The following CHD8 variants were observed in gnomAD, a reference collection of about 807,000 sequenced individuals.
The protein encoded by CHD8 is ATP-dependent chromatin remodeler CHD8.
In CHD8, 31 loss-of-function variants were observed where a neutral mutation model predicts 279.2. The observed-to-expected ratio is 0.11, with a 90% CI of 0.08 to 0.15. The LOEUF (loss-of-function observed/expected upper bound fraction) is 0.15. CHD8 is among the 10% of genes least tolerant of loss of function. CHD8 has a pLI of 1.00. For missense variants in CHD8, 2,146 were observed against 3,230.5 expected (o/e 0.66, Z 8.14); for synonymous variants, 1,081 against 1,139.6 (o/e 0.95, Z 1.04).
intron 14 of CHD8, 25 bp downstream of exon 14, chr14:21,406,831 G>A (rs1245333946): frequency 6.3e-7 from 1 of 1,587,714 alleles, no homozygotes; most frequent in South Asian, 1.1e-5. Flanking sequence ...AGGTGTTTCT[G>A]CTCACAAGTC....
chr14:21,406,335 G>A (rs540847741), intron 14 of CHD8, among the ~76,000 whole-genome samples: 2 of 152,310 alleles, frequency 1.3e-5, no homozygotes, highest in East Asian at 1.9e-4. Flanking sequence ...GTGAGTTTCA[G>A]AGCCTATCTC....
At chr14:21,407,552 T>C (rs1357213991) in intron 13 of CHD8, among the ~76,000 whole-genome samples, 5 of 152,170 alleles carry the variant, frequency 3.3e-5, no homozygotes, top group Non-Finnish European at 4.4e-5. Context: ...TTCATGTTAA[T>C]ACACGATGGA....
intron 2 of CHD8, 24 bp from the exon 3 acceptor site, chr14:21,429,359 A>G: frequency 6.2e-7 from 1 of 1,601,740 alleles, no homozygotes; most frequent in East Asian, 2.2e-5. Flanking sequence ...AGGAAATTGC[A>G]AGAGTACAAC....
intron 1 of CHD8, among the ~76,000 whole-genome samples, chr14:21,439,386 A>G (rs1200592284): frequency 6.6e-6 from 1 of 152,196 alleles, no homozygotes; most frequent in African/African-American, 2.4e-5. Flanking sequence ...TCCCCCCTGT[A>G]GCCACCATCC....
At position 21,442,482 on chromosome 14, in the gene CHD8, A is replaced by C. The variant is rs563631121; in HGVS notation, c.-215-10624T>G. Among the ~76,000 whole-genome samples the C allele has an allele frequency of 4.6e-5, 7 of 151,498 alleles. No homozygotes were observed. In the East Asian group the frequency reaches 1.2e-3, roughly 25 times the overall value. On this transcript the variant is annotated intron_variant, in intron 1 of 37. Coordinates refer to ENST00000646647, the MANE Select transcript of CHD8 (RefSeq NM_001170629.2). ...CCTGTCTCAAAATAAAATAAAATAA[A>C]ATAAAAAATTAGCCAGGCATGGTGG...
rs900204619 is a variant in CHD8, at chr14:21,395,172, A to C, written c.5183-53T>G. 8 of 1,561,740 alleles carry C rather than the reference A, an allele frequency of 5.1e-6. No individual in the cohort carries two copies. The African/African-American group carries it at 5.4e-5, about 11-fold the overall frequency. On this transcript the variant is annotated intron_variant, in intron 29 of 37. Coordinates refer to ENST00000646647, the MANE Select transcript of CHD8 (RefSeq NM_001170629.2). ...GAAGTATAGCAAGGGTAGTAGAGGC[A>C]ATACTAGTATTTTAACCCACCCAAA...
At position 21,431,481 on chromosome 14, in the gene CHD8, C is replaced by A; in HGVS notation, c.163G>T (p.Gly55Cys). The A allele has an allele frequency of 6.5e-7, 1 of 1,537,162 alleles. No homozygotes were observed. The highest frequency in any genetic ancestry group is 8.7e-7 in the Non-Finnish European group (1 of 1,146,858). ...GCTGATGAATTCCCCACATCACCAC[C>A]TCCACCATCCTGGTTCATCTGATCC... ...SLDQMNQDGG[G>C]GDVGNSSASE... The change falls in exon 2 of 38, where the codon GGT becomes TGT. Residue 55 changes from glycine to cysteine, a missense_variant. Gly to Cys is a radical substitution (Grantham distance 159). Around this residue, in one of 26 missense-constraint regions of CHD8, gnomAD observed 302 missense variants for 325.5 expected, o/e 0.93. Coordinates refer to ENST00000646647, the MANE Select transcript of CHD8 (RefSeq NM_001170629.2).
intron 1 of CHD8, chr14:21,437,293 C>T: frequency 8.8e-7 from 1 of 1,130,346 alleles, no homozygotes; most frequent in Non-Finnish European, 1.1e-6. Flanking sequence ...CTGCCCGCCC[C>T]GCGCCATCAT....
At chr14:21,446,143 G>A (rs1464443627) in intron 1 of CHD8, among the ~76,000 whole-genome samples, 3 of 151,916 alleles carry the variant, frequency 2.0e-5, no homozygotes, top group Non-Finnish European at 4.4e-5. Context: ...AGTGAGACAA[G>A]ATCGCGCCAC....
rs1887657807 is a variant in CHD8, at chr14:21,393,918, A to G, written c.5877T>C (p.Ala1959=). 1 of 1,613,994 alleles carries G rather than the reference A, an allele frequency of 6.2e-7. No individual in the cohort carries two copies. Among genetic ancestry groups the G allele is most frequent in the African/African-American group, 1.3e-5 (1 of 75,036 alleles). Residue 1959 remains alanine (A), a synonymous_variant, in exon 32 of 38, where the codon GCT becomes GCC. Transcript: ENST00000646647. ...IMQDPDFSFL[A]ARMNYMQNHQ... is the part of the protein sequence containing the mutation. ...GGTTCTGCATATAATTCATACGGGC[A>G]GCCAGAAAAGAGAAGTCTGGGTCCT...
chr14:21,414,110 A>G, intron 9 of CHD8, 191 bp downstream of exon 9: 1 of 548,722 alleles, frequency 1.8e-6, no homozygotes, highest in Non-Finnish European at 3.2e-6. Flanking sequence ...TAACTAATAA[A>G]TGAACCATAT....
chr14:21,448,901 A>G (rs914981186), intron 1 of CHD8, among the ~76,000 whole-genome samples: 9 of 141,114 alleles, frequency 6.4e-5, no homozygotes, highest in Admixed American at 3.5e-4. Flanking sequence ...TGGGCTGGGC[A>G]CGGTGGCTCA....
chr14:21,393,507 A>T lies in CHD8; in HGVS notation c.6288T>A (p.Asp2096Glu). 6.3e-7 allele frequency: 1 copy of T among 1,586,630 alleles called. No homozygotes were observed. The highest frequency in any genetic ancestry group is 8.6e-7 in the Non-Finnish European group (1 of 1,165,768). Reference protein sequence around the residue: ...SSSSSSSSSTDESEDEKEEKL... With the variant: ...SSSSSSSSSTEESEDEKEEKL... ...TCTCTTCCTTCTCATCCTCACTCTC[A>T]TCAGTGCTGGAGCTGGAGCTGGATG... is the stretch of plus-strand genomic sequence containing the variant. Residue 2096 changes from aspartate (D) to glutamate (E), a missense_variant, in exon 32 of 38, where the codon GAT becomes GAA. Coordinates refer to ENST00000646647, the MANE Select transcript of CHD8 (RefSeq NM_001170629.2).
intron 37 of CHD8, among the ~76,000 whole-genome samples, chr14:21,389,730 C>T (rs1317358399): frequency 6.6e-6 from 1 of 152,142 alleles, no homozygotes; most frequent in East Asian, 1.9e-4. Flanking sequence ...ACTTAGTCCA[C>T]CAAATGGCCT....
In CHD8 at chr14:21,405,503, T is replaced by A; in HGVS notation, c.3052-39A>T. 1 of 1,589,044 alleles carries A rather than the reference T, an allele frequency of 6.3e-7. No individual in the cohort carries two copies. Among genetic ancestry groups the A allele is most frequent in the East Asian group, 2.2e-5 (1 of 44,512 alleles). On this transcript the variant is annotated intron_variant, in intron 15 of 37. Coordinates refer to ENST00000646647, the MANE Select transcript of CHD8 (RefSeq NM_001170629.2). The surrounding 1 kb of genome is among the most constrained non-coding windows in gnomAD (Gnocchi z 4.2). ...CAGAGAGAAAAATAAATCAATAAGA[T>A]GAGGGCGAACATTCTCACATTATGT...
At chr14:21,415,996 T>C in intron 5 of CHD8, 89 bp from the exon 6 acceptor site, 1 of 1,072,582 alleles carries the variant, frequency 9.3e-7, no homozygotes, top group Non-Finnish European at 1.4e-6. Context: ...TATACTTAGA[T>C]TCTACTCCAA....
rs1330669660 is a variant in CHD8 at position 21,385,985 on chromosome 14, T to C, written c.7374A>G (p.Ser2458=). 1.3e-6 allele frequency: 2 copies of C among 1,579,906 alleles called. No homozygotes were observed. Among genetic ancestry groups the C allele is most frequent in the Non-Finnish European group, 1.7e-6 (2 of 1,162,114 alleles). The change falls in exon 38 of 38, where the codon TCA becomes TCG. Residue 2458 remains serine (S), a synonymous_variant. Transcript: ENST00000646647. ...QHSSSGLQSV[S]SLGHSSATSA... ...AAGTGGCACTGCTGTGACCCAAAGATGACACAGACTGTAGGCCACTACTGC... is the reference window on the plus strand; with the variant it reads ...AAGTGGCACTGCTGTGACCCAAAGACGACACAGACTGTAGGCCACTACTGC...
In CHD8 at chr14:21,391,888, C is replaced by G. The variant is rs1046663771; in HGVS notation, c.6830G>C (p.Gly2277Ala). ...CTTATGAAACAGTGGATGTCCATCT[C>G]CCATTACTCCATTCGCCATCAACTT... ...KHKLMANGVM[G>A]DGHPLFHKKK... The change falls in exon 35 of 38, where the codon GGA (glycine) becomes GCA (alanine). Residue 2277 changes from glycine to alanine, a missense_variant. Gly to Ala is a moderately conservative substitution (Grantham distance 60, BLOSUM62 0). Around this residue, in one of 26 missense-constraint regions of CHD8, gnomAD observed 336 missense variants for 392.9 expected, o/e 0.86. Coordinates refer to ENST00000646647, the MANE Select transcript of CHD8 (RefSeq NM_001170629.2). 2 of 1,613,980 alleles carry G rather than the reference C, an allele frequency of 1.2e-6. No homozygotes were observed. Among genetic ancestry groups the G allele is most frequent in the African/African-American group, 1.3e-5 (1 of 75,050 alleles).
rs1888205320 is a variant in CHD8 at position 21,405,119 on chromosome 14, G to A, written c.3307+90C>T. The A allele has an allele frequency of 2.2e-6, 3 of 1,337,858 alleles. No individual in the cohort carries two copies. The highest frequency in any genetic ancestry group is 2.1e-6 in the Non-Finnish European group (2 of 961,522). 82.9% of individuals were successfully genotyped at this position (1,337,858 alleles called of 1,614,324 possible). ...CCGCACCCCAAATTAGGTTGGTTGA[G>A]TCAATGCATCCATTGTCCCCAAGGA... is the stretch of plus-strand genomic sequence containing the variant. On this transcript the variant is annotated intron_variant, in intron 16 of 37. Transcript: ENST00000646647. This position sits in a 1 kb window ranked among gnomAD's most constrained non-coding sequence, Gnocchi z 4.2.
Sources: allele counts gnomAD v4.1 joint callset (sites outside exome capture counted in the v4.1 genomes callset), GRCh38; gene constraint gnomAD v4.1.1; regional missense constraint gnomAD v4.1.1; non-coding constraint Gnocchi (gnomAD v3.1); transcripts MANE v1.5; gene names NCBI Gene and HGNC (gene_info 2026-07-23, HGNC 2026-07-21).